GRM1: variants seen among roughly 807,000 people sequenced by gnomAD.
GRM1 encodes the protein metabotropic glutamate receptor 1.
A neutral mutation model predicts 90.9 loss-of-function variants in GRM1; 33 were observed. That is an observed-to-expected ratio of 0.36 (90% CI 0.28 to 0.49). The LOEUF (loss-of-function observed/expected upper bound fraction) is 0.49, where lower values mean the gene tolerates loss of function less well. GRM1 is among the 20% of genes least tolerant of loss of function. GRM1 has a pLI of 0.99. For missense variants in GRM1, 1,190 were observed against 1,534.3 expected, an observed-to-expected ratio of 0.78 and a Z score of 3.75; for synonymous variants, 700 against 613.2, an observed-to-expected ratio of 1.14 and a Z score of -2.09.
chr6:146,419,826 C>T (rs1437025813), intron 7 of GRM1, among the ~76,000 whole-genome samples: 4 of 152,244 alleles, frequency 2.6e-5, no homozygotes, highest in African/African-American at 7.2e-5. Context: ...AGCCTGCTTC[C>T]GTGATGCAAT....
intron 5 of GRM1, among the ~76,000 whole-genome samples, chr6:146,378,061 G>T (rs748839381): frequency 3.9e-5 from 6 of 152,216 alleles, no homozygotes; most frequent in African/African-American, 9.6e-5. Flanking sequence ...GGGCTTGTGG[G>T]TGCATGGAAG....
chr6:146,304,948 C>T, intron 3 of GRM1, 102 bp downstream of exon 3: 1 of 846,210 alleles, frequency 1.2e-6, no homozygotes, highest in Non-Finnish European at 2.0e-6. Flanking sequence ...GCTAGAGATC[C>T]AAAGACAAAA....
chr6:146,183,615 G>C (rs927211137), intron 2 of GRM1, among the ~76,000 whole-genome samples: 14 of 152,130 alleles, frequency 9.2e-5, no homozygotes, highest in African/African-American at 2.7e-4. Context: ...GGCCAGAATA[G>C]ATGATCTCTA....
At chr6:146,132,703 C>T (rs1776455617) in intron 1 of GRM1, among the ~76,000 whole-genome samples, 1 of 152,200 alleles carries the variant, frequency 6.6e-6, no homozygotes, top group Non-Finnish European at 1.5e-5. Context: ...TCAAGACCTA[C>T]TTTAAAACCT....
intron 2 of GRM1, among the ~76,000 whole-genome samples, chr6:146,234,100 T>C (rs866087019): frequency 1.3e-5 from 2 of 152,228 alleles, no homozygotes; most frequent in Middle Eastern, 3.4e-3. Flanking sequence ...ATTTATGTTA[T>C]AGTTGTACTT....
In GRM1 at chr6:146,063,773, C is replaced by T. The variant is rs1461055516; in HGVS notation, c.700+33556C>T. On this transcript the variant is annotated intron_variant, in intron 1 of 7. Coordinates refer to ENST00000282753, the MANE Select transcript of GRM1 (RefSeq NM_001278064.2). ...TCAACATTATGAATCCATATGGTAG[C>T]TCTTCTGTTGCATACTGAAGTCATG... Among the ~76,000 whole-genome samples, 4 of 152,044 alleles carry T rather than the reference C, an allele frequency of 2.6e-5. No homozygotes were observed. In the East Asian group the frequency reaches 7.7e-4, roughly 29 times the overall value.
intron 5 of GRM1, among the ~76,000 whole-genome samples, chr6:146,376,522 A>T (rs889408854): frequency 6.6e-6 from 1 of 152,022 alleles, no homozygotes; most frequent in East Asian, 1.9e-4. Context: ...TGTGTCCTTC[A>T]TGTGTGAAGG....
chr6:146,407,940 A>G (rs1485253149), intron 7 of GRM1, among the ~76,000 whole-genome samples: 1 of 152,212 alleles, frequency 6.6e-6, no homozygotes. Flanking sequence ...TGTGAATGGG[A>G]AATTTCAGAG....
chr6:146,147,115 G>C (rs1777140397), intron 1 of GRM1, among the ~76,000 whole-genome samples: 1 of 152,204 alleles, frequency 6.6e-6, no homozygotes. Context: ...TGCTTCTCTA[G>C]CTACAAGGGC....
rs1319179836 is a variant in GRM1, at chr6:146,029,184, T to A, written c.-334T>A. On this transcript the variant is annotated 5_prime_UTR_variant, in exon 1 of 8. Coordinates refer to ENST00000282753, the MANE Select transcript of GRM1 (RefSeq NM_001278064.2). ...ATGACAAGGTTGTGATTTTTCTCTG[T>A]CTTTTGTCAGCAGCATCTAGCTCAC... 2 of 400,076 alleles carry A rather than the reference T, an allele frequency of 5.0e-6. No individual in the cohort carries two copies. The highest frequency in any genetic ancestry group is 4.7e-6 in the Non-Finnish European group (1 of 212,948). The allele number at this position is 400,076 out of a possible 1,614,324, so 24.8% of individuals were successfully genotyped here. A position where few individuals can be genotyped will look rare whatever the true frequency, so the allele number is the denominator to read the frequency against.
At chr6:146,202,280 G>T (rs1779322481) in intron 2 of GRM1, among the ~76,000 whole-genome samples, 1 of 152,222 alleles carries the variant, frequency 6.6e-6, no homozygotes, top group African/African-American at 2.4e-5. Flanking sequence ...ATTAGTAACT[G>T]GTTAGTATGG....
chr6:146,365,549 T>C (rs1775646782), intron 5 of GRM1: 2 of 152,194 alleles, frequency 1.3e-5, no homozygotes, highest in South Asian at 4.1e-4. Flanking sequence ...GTGATGTAAG[T>C]GAGCCACATT....
chr6:146,432,081 G>A (rs1400510455), intron 7 of GRM1, among the ~76,000 whole-genome samples: 1 of 152,102 alleles, frequency 6.6e-6, no homozygotes, highest in Non-Finnish European at 1.5e-5. Flanking sequence ...AAGATAGTGT[G>A]GAAGTCAATA....
chr6:146,347,406 A>G (rs1583361743), intron 3 of GRM1, among the ~76,000 whole-genome samples: 1 of 152,208 alleles, frequency 6.6e-6, no homozygotes, highest in South Asian at 2.1e-4. Context: ...AGATCCGAAT[A>G]AGAAGTAGAC....
chr6:146,203,156 A>T (rs571782494), intron 2 of GRM1, among the ~76,000 whole-genome samples: 57 of 152,026 alleles, frequency 3.7e-4, no homozygotes, highest in East Asian at 2.7e-3. Flanking sequence ...ATAGCGCCAC[A>T]TCACTCCAGC....
intron 2 of GRM1, among the ~76,000 whole-genome samples, chr6:146,227,584 A>G (rs1277513399): frequency 2.0e-5 from 3 of 152,214 alleles, no homozygotes; most frequent in African/African-American, 7.2e-5. Context: ...AGATCCCATC[A>G]ATGGACTATG....
intron 1 of GRM1, among the ~76,000 whole-genome samples, chr6:146,068,879 A>C (rs535554344): frequency 1.1e-4 from 16 of 152,350 alleles, no homozygotes; most frequent in Admixed American, 8.5e-4. Flanking sequence ...CAATCCTTGA[A>C]CATCAATTGA....
At chr6:146,130,418 A>C (rs1583045199) in intron 1 of GRM1, among the ~76,000 whole-genome samples, 1 of 152,164 alleles carries the variant, frequency 6.6e-6, no homozygotes, top group Non-Finnish European at 1.5e-5. Flanking sequence ...TTAGATAGTT[A>C]AGAGAAAGTG....
chr6:146,133,424 G>T (rs566859833), intron 1 of GRM1, among the ~76,000 whole-genome samples: 2 of 152,300 alleles, frequency 1.3e-5, no homozygotes, highest in African/African-American at 4.8e-5. Flanking sequence ...TGTACACAAG[G>T]ACAGGGGAAA....
Sources: allele counts gnomAD v4.1 joint callset (sites outside exome capture counted in the v4.1 genomes callset), GRCh38; gene constraint gnomAD v4.1.1; transcripts MANE v1.5; gene names NCBI Gene and HGNC (gene_info 2026-07-23, HGNC 2026-07-21).